CNTNAP2: variants seen among roughly 807,000 people sequenced by gnomAD.
CNTNAP2 encodes the protein contactin associated protein 2, also known as contactin-associated protein-like 2.
In CNTNAP2, 98 loss-of-function variants were observed where a neutral mutation model predicts 155.2. The observed-to-expected ratio is 0.63, with a 90% CI of 0.54 to 0.75. The LOEUF is 0.75. CNTNAP2 is among the 30% of genes least tolerant of loss of function. CNTNAP2 has a pLI of 0.00. For synonymous variants in CNTNAP2, 651 were observed against 631.2 expected (o/e 1.03, Z -0.47); for missense variants, 1,727 against 1,688.1 (o/e 1.02, Z -0.40).
At chr7:146,295,479 G>A (rs79849600) in intron 1 of CNTNAP2, among the ~76,000 whole-genome samples, 2 of 151,888 alleles carry the variant, frequency 1.3e-5, no homozygotes, top group Non-Finnish European at 2.9e-5. Context: ...AATTTAGATT[G>A]AGAATTGTTC....
At chr7:147,287,440 C>T (rs1805205432) in intron 8 of CNTNAP2, among the ~76,000 whole-genome samples, 1 of 152,010 alleles carries the variant, frequency 6.6e-6, no homozygotes, top group Non-Finnish European at 1.5e-5. Context: ...ACAGATGGGC[C>T]TTGGAGAAAC....
intron 1 of CNTNAP2, among the ~76,000 whole-genome samples, chr7:146,307,771 A>G (rs1800741746): frequency 6.6e-6 from 1 of 152,184 alleles, no homozygotes; most frequent in African/African-American, 2.4e-5. Flanking sequence ...AAAACTCGCT[A>G]GCCATATGTA....
intron 9 of CNTNAP2, among the ~76,000 whole-genome samples, chr7:147,366,183 C>A (rs1796226421): frequency 6.6e-6 from 1 of 152,072 alleles, no homozygotes; most frequent in Non-Finnish European, 1.5e-5. Flanking sequence ...GTACTTTTAT[C>A]CCATTCATTA....
At chr7:146,966,394 G>T (rs146433343) in intron 3 of CNTNAP2, among the ~76,000 whole-genome samples, 2,509 of 152,254 alleles carry the variant, frequency 0.016, 44 homozygotes, top group South Asian at 0.05. Context: ...GAATTCTCCT[G>T]CCAGGGAGCA....
At chr7:147,270,871 C>T (rs1804731419) in intron 8 of CNTNAP2, among the ~76,000 whole-genome samples, 1 of 152,094 alleles carries the variant, frequency 6.6e-6, no homozygotes, top group South Asian at 2.1e-4. Flanking sequence ...GCCATTAGGA[C>T]GACTGTGGTG....
In CNTNAP2 at chr7:146,246,089, G is replaced by A. The variant is rs146004583; in HGVS notation, c.97+129116G>A. Among the ~76,000 whole-genome samples, 702 of 152,016 alleles carry A rather than the reference G, an allele frequency of 4.6e-3. 5 individuals carry two copies. The East Asian group carries it at 0.065, about 14-fold the overall frequency. On this transcript the variant is annotated intron_variant, in intron 1 of 23. Transcript: ENST00000361727. Reference sequence around the variant, plus strand: ...GCCATGCTGTAGCAGGCAAGTGATAGCAGGCTTTAATCCTTTCAAAGCATG... The same window carrying A: ...GCCATGCTGTAGCAGGCAAGTGATAACAGGCTTTAATCCTTTCAAAGCATG...
chr7:146,482,649 A>G (rs1371200242), intron 1 of CNTNAP2, among the ~76,000 whole-genome samples: 1 of 152,026 alleles, frequency 6.6e-6, no homozygotes, highest in Non-Finnish European at 1.5e-5. Context: ...AGGTTGAGGC[A>G]GGAGAATCGC....
chr7:147,431,589 C>A (rs1332733718), intron 10 of CNTNAP2, among the ~76,000 whole-genome samples: 2 of 152,202 alleles, frequency 1.3e-5, no homozygotes, highest in Admixed American at 1.3e-4. Flanking sequence ...CTGGCTTTCA[C>A]CTCCATCACT....
chr7:146,783,980 T>C (rs932787539), intron 2 of CNTNAP2, among the ~76,000 whole-genome samples: 2 of 152,226 alleles, frequency 1.3e-5, no homozygotes, highest in African/African-American at 4.8e-5. Context: ...CTTAGAAATA[T>C]AGTCGTATCT....
At chr7:146,367,763 A>T (rs1795176038) in intron 1 of CNTNAP2, among the ~76,000 whole-genome samples, 2 of 152,288 alleles carry the variant, frequency 1.3e-5, no homozygotes, top group Middle Eastern at 3.4e-3. Context: ...CTTCTTCCTT[A>T]GTACTAATAA....
At chr7:146,181,519 G>A (rs949606856) in intron 1 of CNTNAP2, among the ~76,000 whole-genome samples, 11 of 152,016 alleles carry the variant, frequency 7.2e-5, no homozygotes, top group African/African-American at 1.2e-4. Flanking sequence ...TTCCATAACC[G>A]TGCCACTTGA....
intron 1 of CNTNAP2, among the ~76,000 whole-genome samples, chr7:146,637,180 G>A (rs983717651): frequency 7.2e-5 from 11 of 152,114 alleles, no homozygotes; most frequent in East Asian, 1.9e-4. Flanking sequence ...CAGTAGCATC[G>A]TAAGACTTTA....
At chr7:146,451,304 GT>G (rs112793132) in intron 1 of CNTNAP2, among the ~76,000 whole-genome samples, 12,431 of 152,194 alleles carry the variant, frequency 0.082, 563 homozygotes, top group African/African-American at 0.092. Context: ...CCTTTATAAT[GT>G]TTAGAGAATC....
At chr7:147,169,273 T>A (rs1244255380) in intron 8 of CNTNAP2, among the ~76,000 whole-genome samples, 4 of 152,278 alleles carry the variant, frequency 2.6e-5, no homozygotes, top group African/African-American at 7.2e-5. Context: ...GTTAAAAAAA[T>A]TTATAAATAT....
intron 1 of CNTNAP2, among the ~76,000 whole-genome samples, chr7:146,451,011 G>A (rs1033896024): frequency 4.6e-5 from 7 of 151,822 alleles, no homozygotes; most frequent in South Asian, 4.2e-4. Flanking sequence ...CAGTGGCGTG[G>A]TCTTGGCTCA....
intron 1 of CNTNAP2, among the ~76,000 whole-genome samples, chr7:146,166,994 AG>A (rs1798321863): frequency 6.6e-6 from 1 of 152,240 alleles, no homozygotes; most frequent in Non-Finnish European, 1.5e-5. Context: ...CCTGACATGT[AG>A]GGGGAAGGAA....
intron 10 of CNTNAP2, among the ~76,000 whole-genome samples, chr7:147,414,205 G>A (rs934336670): frequency 2.0e-5 from 3 of 151,200 alleles, no homozygotes; most frequent in African/African-American, 4.9e-5. Flanking sequence ...CAGGCCGATC[G>A]CTTGCGATCA....
chr7:146,185,973 T>C (rs2116843854), intron 1 of CNTNAP2, among the ~76,000 whole-genome samples: 1 of 152,244 alleles, frequency 6.6e-6, no homozygotes, highest in Admixed American at 6.5e-5. Context: ...TTTATTTATG[T>C]AATGTATCAT....
intron 1 of CNTNAP2, among the ~76,000 whole-genome samples, chr7:146,700,355 T>A (rs1338827501): frequency 1.3e-5 from 2 of 152,122 alleles, no homozygotes; most frequent in Non-Finnish European, 2.9e-5. Context: ...TAATTTTCAG[T>A]TTAGTCAGCA....
Sources: allele counts gnomAD v4.1 joint callset (sites outside exome capture counted in the v4.1 genomes callset), GRCh38; gene constraint gnomAD v4.1.1; transcripts MANE v1.5; gene names NCBI Gene and HGNC (gene_info 2026-07-23, HGNC 2026-07-21).